Variants in FAT2 observed in about 807,000 individuals in gnomAD.
The protein encoded by FAT2 is protocadherin Fat 2.
In FAT2, 150 loss-of-function variants were observed where a neutral mutation model predicts 295.3. That is an observed-to-expected ratio of 0.51 (90% confidence interval 0.44 to 0.58). The LOEUF is 0.58. Among genes scored for constraint, FAT2 ranks in the 20% least tolerant of loss-of-function variants. The pLI is 0.00. For synonymous variants in FAT2, 2,026 were observed against 2,150.3 expected (o/e 0.94, Z 1.60); for missense variants, 4,868 against 5,442.7 (o/e 0.89, Z 3.32).
intron 23 of FAT2, 58 bp downstream of exon 23, chr5:151,507,096 T>C: frequency 6.8e-7 from 1 of 1,464,800 alleles, no homozygotes; most frequent in African/African-American, 1.4e-5. Flanking sequence ...ACGGAGTGTT[T>C]AGAACCACCA....
chr5:151,507,311 G>A lies in FAT2; in HGVS notation c.12360C>T (p.Ser4120=), dbSNP rs1447115276. 1.9e-6 allele frequency: 3 copies of A among 1,614,196 alleles called. No homozygotes were observed. The South Asian group carries it at 3.3e-5, about 18-fold the overall frequency. Residue 4120 remains serine (S), a synonymous_variant, in exon 23 of 24, where the codon AGC becomes AGT. Coordinates refer to ENST00000261800, the MANE Select transcript of FAT2 (RefSeq NM_001447.3). ...SCNNLNQPEP[S]KASVPNELVT... ...CGAGTTCATTTGGAACAGAGGCCTT[G>A]CTGGGTTCCGGTTGGTTGAGGTTGT... is the stretch of plus-strand genomic sequence containing the variant.
intron 13 of FAT2, 77 bp downstream of exon 13, chr5:151,534,332 A>G: frequency 3.4e-6 from 4 of 1,190,202 alleles, no homozygotes; most frequent in Non-Finnish European, 4.8e-6. Context: ...TCCTAGAGAG[A>G]CACAAAGGGG....
At chr5:151,519,606 G>A (rs1324327837) in intron 19 of FAT2, among the ~76,000 whole-genome samples, 1 of 152,162 alleles carries the variant, frequency 6.6e-6, no homozygotes, top group Non-Finnish European at 1.5e-5. Flanking sequence ...TGGAAGGGGG[G>A]CCCAAGGGAG....
rs2127564723 is a variant in FAT2, at chr5:151,507,461, G to A, written c.12210C>T (p.Cys4070=). Residue 4070 remains cysteine (C), a synonymous_variant, in exon 23 of 24, where the codon TGC becomes TGT. Coordinates refer to ENST00000261800, the MANE Select transcript of FAT2 (RefSeq NM_001447.3). The part of the protein sequence containing the change: ...IISTVGLLFY[C]RRCKSHKPVA... ...CAGGCTTGTGAGACTTGCAACGGCGGCAGTAGAAGAGAAGCCCGACAGTGC... is the reference window on the plus strand; with the variant it reads ...CAGGCTTGTGAGACTTGCAACGGCGACAGTAGAAGAGAAGCCCGACAGTGC... The A allele has an allele frequency of 1.2e-6, 2 of 1,614,178 alleles. No homozygotes were observed. The highest frequency in any genetic ancestry group is 1.7e-6 in the Non-Finnish European group (2 of 1,180,028).
intron 3 of FAT2, among the ~76,000 whole-genome samples, chr5:151,557,350 C>T (rs190438835): frequency 7.2e-5 from 11 of 152,230 alleles, no homozygotes; most frequent in Admixed American, 3.9e-4. Context: ...GGCTGACCCG[C>T]CTGGGGAGAA....
chr5:151,513,532 G>T (rs889951436), intron 20 of FAT2, among the ~76,000 whole-genome samples: 1 of 152,164 alleles, frequency 6.6e-6, no homozygotes, highest in African/African-American at 2.4e-5. Flanking sequence ...TTACAAGTGG[G>T]AACTAAATGC....
intron 1 of FAT2, among the ~76,000 whole-genome samples, chr5:151,587,682 C>T (rs1213828957): frequency 2.0e-5 from 3 of 152,170 alleles, no homozygotes; most frequent in Admixed American, 2.0e-4. Flanking sequence ...ATTTATGGGT[C>T]TGCCTCTATC....
At chr5:151,542,150 C>G in intron 10 of FAT2, 135 bp downstream of exon 10, 5 of 748,824 alleles carry the variant, frequency 6.7e-6, no homozygotes, top group Non-Finnish European at 1.1e-5. Flanking sequence ...AACTGAGGTC[C>G]TAGGGGGTTA....
At chr5:151,585,787 T>C (rs1379095102) in intron 1 of FAT2, among the ~76,000 whole-genome samples, 1 of 152,228 alleles carries the variant, frequency 6.6e-6, no homozygotes, top group Non-Finnish European at 1.5e-5. Context: ...TATAATTCTC[T>C]GAGTCAATTC....
intron 1 of FAT2, among the ~76,000 whole-genome samples, chr5:151,577,078 A>G (rs1758776354): frequency 6.6e-6 from 1 of 152,236 alleles, no homozygotes; most frequent in African/African-American, 2.4e-5. Flanking sequence ...AAATGTCATG[A>G]TGTGCTACAT....
rs1257232448 is a variant in FAT2, at chr5:151,544,237, G to A, written c.6890C>T (p.Ser2297Phe). Reference sequence around the variant, plus strand: ...ACGGTTCCGCCCTGAGTCCTGGTCAGAAGCCAACAGTTGGATCACAGGGGT... The same window carrying A: ...ACGGTTCCGCCCTGAGTCCTGGTCAAAAGCCAACAGTTGGATCACAGGGGT... ...AQTPVIQLLA[S>F]DQDSGRNRDV... The change falls in exon 10 of 24, where the codon TCT (serine) becomes TTT (phenylalanine). Residue 2297 changes from serine to phenylalanine, a missense_variant. Coordinates refer to ENST00000261800, the MANE Select transcript of FAT2 (RefSeq NM_001447.3). The A allele has an allele frequency of 2.5e-6, 4 of 1,614,200 alleles. No homozygotes were observed. The highest frequency in any genetic ancestry group is 2.5e-6 in the Non-Finnish European group (3 of 1,180,036).
At chr5:151,533,393 AACACACACACACACACAC>A (rs36215342) in intron 13 of FAT2, among the ~76,000 whole-genome samples, 10,407 of 132,162 alleles carry the variant, frequency 0.079, 902 homozygotes, top group African/African-American at 0.23. Flanking sequence ...TGTTATCTCC[AACACACACACACACACAC>A]ACACACACAC....
At chr5:151,542,144 G>C (rs962887303) in intron 10 of FAT2, 141 bp downstream of exon 10, 48 of 687,218 alleles carry the variant, frequency 7.0e-5, no homozygotes, top group Non-Finnish European at 1.0e-4. Flanking sequence ...TGGAGAAACT[G>C]AGGTCCTAGG....
chr5:151,534,639 T>C lies in FAT2; in HGVS notation c.9197A>G (p.Glu3066Gly). ...GTCTAGGGCAGTGAGTGTGGTCAGC[T>C]CCCCTGGTCGGAGAAATGACAAAAG... ...HEFKLDPHTG[E>G]LTTLTALDRE... The change falls in exon 13 of 24, where the codon GAG (glutamate) becomes GGG (glycine). Residue 3066 changes from glutamate to glycine, a missense_variant. Physicochemically the swap from Glu to Gly is moderately conservative, Grantham distance 98. Transcript: ENST00000261800. 1 of 1,603,164 alleles carries C rather than the reference T, an allele frequency of 6.2e-7. No homozygotes were observed. The highest frequency in any genetic ancestry group is 8.5e-7 in the Non-Finnish European group (1 of 1,170,950).
chr5:151,529,514 C>G (rs1754365585), intron 14 of FAT2, 122 bp from the exon 15 acceptor site: 1 of 711,818 alleles, frequency 1.4e-6, no homozygotes, highest in Non-Finnish European at 2.4e-6. Context: ...TAAGTGTCCT[C>G]TGTCATCTCC....
chr5:151,547,506 G>A (rs934993674), intron 9 of FAT2, among the ~76,000 whole-genome samples: 8 of 152,116 alleles, frequency 5.3e-5, no homozygotes, highest in South Asian at 2.1e-4. Context: ...CCTCTATCAC[G>A]TGAGAGCATA....
intron 9 of FAT2, among the ~76,000 whole-genome samples, chr5:151,546,826 C>T (rs778199905): frequency 6.6e-6 from 1 of 152,064 alleles, no homozygotes; most frequent in Admixed American, 6.5e-5. Flanking sequence ...TCAAGCGGTC[C>T]TCCAGCCTCA....
In FAT2 at chr5:151,540,688, T is replaced by C. The variant is rs2127602640; in HGVS notation, c.8918A>G (p.Asp2973Gly). The C allele has an allele frequency of 1.2e-6, 2 of 1,614,214 alleles. No individual in the cohort carries two copies. The highest frequency in any genetic ancestry group is 1.7e-6 in the Non-Finnish European group (2 of 1,180,040). ...CAAGTACTTGGCTGTATGCTCGCGG[T>C]CCAGGGTCTTCCTTGAGGAAATCCT... ...EWRISSRKTLDREHTAKYLLR... is the reference protein window; with the variant it reads ...EWRISSRKTLGREHTAKYLLR... Residue 2973 changes from aspartate (D) to glycine (G), a missense_variant, in exon 11 of 24, where the codon GAC (aspartate) becomes GGC (glycine). Coordinates refer to ENST00000261800, the MANE Select transcript of FAT2 (RefSeq NM_001447.3).
chr5:151,534,600 T>C lies in FAT2; in HGVS notation c.9236A>G (p.Asp3079Gly). ...TLTALDRERK[D>G]VFNLVAKATD... ...CGCCTTGGCAACAAGGTTGAACACA[T>C]CCTTCCTTTCTCGGTCTAGGGCAGT... Residue 3079 changes from aspartate to glycine, a missense_variant, in exon 13 of 24, where the codon GAT becomes GGT. Around this residue, in one of 5 missense-constraint regions of FAT2, gnomAD observed 1,046 missense variants for 1,210.1 expected, o/e 0.86. Coordinates refer to ENST00000261800, the MANE Select transcript of FAT2 (RefSeq NM_001447.3). 6.2e-7 allele frequency: 1 copy of C among 1,613,962 alleles called. No individual in the cohort carries two copies. Among genetic ancestry groups the C allele is most frequent in the Non-Finnish European group, 8.5e-7 (1 of 1,179,922 alleles).
Sources: gnomAD v4.1 joint callset for allele counts (sites outside exome capture counted in the v4.1 genomes callset) on GRCh38, gnomAD v4.1.1 for gene constraint, gnomAD v4.1.1 regional missense constraint, MANE v1.5 for transcripts, NCBI Gene and HGNC (gene_info 2026-07-23, HGNC 2026-07-21) for gene names.